The following SMG6 variants were observed in gnomAD, a reference collection of about 807,000 sequenced individuals.
SMG6 encodes the protein SMG6 nonsense mediated mRNA decay factor.
A neutral mutation model predicts 142.2 loss-of-function variants in SMG6; 66 were observed. The observed-to-expected ratio is 0.46, with a 90% CI of 0.38 to 0.57. SMG6 has a LOEUF of 0.57. Ranked by LOEUF, SMG6 falls within the 20% of genes least tolerant of loss-of-function variation. The probability of loss-of-function intolerance (pLI) is 0.00; values close to 1 mark genes in which losing one functional copy is unlikely to be tolerated. For missense variants in SMG6, 1,793 were observed against 1,832.0 expected, an observed-to-expected ratio of 0.98 and a Z score of 0.39; for synonymous variants, 779 against 702.4, an observed-to-expected ratio of 1.11 and a Z score of -1.72.
chr17:2,117,315 T>C (rs2069539045), intron 13 of SMG6, among the ~76,000 whole-genome samples: 1 of 151,412 alleles, frequency 6.6e-6, no homozygotes, highest in Non-Finnish European at 1.5e-5. Flanking sequence ...GACACTGTAT[T>C]AAGGCAAGAA....
intron 13 of SMG6, among the ~76,000 whole-genome samples, chr17:2,144,049 CTTTTTTTTTTTT>C (rs57316349): frequency 3.1e-5 from 2 of 65,062 alleles, no homozygotes; most frequent in Non-Finnish European, 5.5e-5. Flanking sequence ...ACCACGGCCG[CTTTTTTTTTTTT>C]TTTTTTTTTT....
chr17:2,267,710 T>G (rs895899641), intron 8 of SMG6, among the ~76,000 whole-genome samples: 1 of 151,396 alleles, frequency 6.6e-6, no homozygotes, highest in African/African-American at 2.4e-5. Context: ...TCTTTTTTAA[T>G]GTATTTACTT....
intron 10 of SMG6, chr17:2,216,018 T>G (rs2073008547): frequency 1.3e-5 from 2 of 152,364 alleles, no homozygotes; most frequent in African/African-American, 2.4e-5. Flanking sequence ...CCAGCTGCAG[T>G]GCATCTCGCG....
intron 13 of SMG6, among the ~76,000 whole-genome samples, chr17:2,138,919 A>G (rs575495965): frequency 6.6e-6 from 1 of 152,228 alleles, no homozygotes; most frequent in Non-Finnish European, 1.5e-5. Context: ...TGGGTCATGC[A>G]TGGTTTATTT....
chr17:2,153,705 G>A (rs1022062228), intron 13 of SMG6, among the ~76,000 whole-genome samples: 2 of 148,128 alleles, frequency 1.4e-5, no homozygotes, highest in Admixed American at 6.7e-5. Context: ...GGGAACCTGG[G>A]GATGCATGTA....
At chr17:2,192,123 G>C (rs1460644832) in intron 10 of SMG6, among the ~76,000 whole-genome samples, 2 of 152,246 alleles carry the variant, frequency 1.3e-5, no homozygotes, top group Admixed American at 6.5e-5. Context: ...GCAGGAAATG[G>C]GAGTGAGGCA....
intron 15 of SMG6, among the ~76,000 whole-genome samples, chr17:2,080,507 TCAGA>T (rs765345150): frequency 1.8e-4 from 28 of 152,238 alleles, no homozygotes; most frequent in Non-Finnish European, 3.1e-4. Context: ...TAGACAAATA[TCAGA>T]CAAAGGTGGC....
At chr17:2,257,258 G>A (rs907168731) in intron 8 of SMG6, among the ~76,000 whole-genome samples, 1 of 151,930 alleles carries the variant, frequency 6.6e-6, no homozygotes, top group Admixed American at 6.6e-5. Context: ...GCTAATTTTT[G>A]TATTTTCAGC....
At chr17:2,301,047 T>C (rs1036761210) in intron 1 of SMG6, among the ~76,000 whole-genome samples, 1 of 152,208 alleles carries the variant, frequency 6.6e-6, no homozygotes, top group Admixed American at 6.5e-5. Context: ...TCTCTATCTA[T>C]AGAGCCTGTG....
At chr17:2,158,079 A>T (rs118078669) in intron 13 of SMG6, among the ~76,000 whole-genome samples, 736 of 152,332 alleles carry the variant, frequency 4.8e-3, no homozygotes, top group Non-Finnish European at 7.4e-3. Flanking sequence ...AGAAGGGAAG[A>T]AGTTAATTTT....
intron 13 of SMG6, among the ~76,000 whole-genome samples, chr17:2,167,599 T>C (rs2071381662): frequency 6.6e-6 from 1 of 152,242 alleles, no homozygotes; most frequent in African/African-American, 2.4e-5. Flanking sequence ...AATTCACTTA[T>C]GGTGCCACTC....
intron 10 of SMG6, among the ~76,000 whole-genome samples, chr17:2,198,572 G>T (rs2072407070): frequency 6.6e-6 from 1 of 152,172 alleles, no homozygotes; most frequent in African/African-American, 2.4e-5. Flanking sequence ...AGCTATGCAA[G>T]ACATGAAAAA....
At chr17:2,164,869 A>G (rs1378967573) in intron 13 of SMG6, among the ~76,000 whole-genome samples, 1 of 152,164 alleles carries the variant, frequency 6.6e-6, no homozygotes, top group Non-Finnish European at 1.5e-5. Flanking sequence ...CCTGGGAGGC[A>G]GAGGTTACAG....
rs1281197987 is a variant in SMG6 at position 2,258,056 on chromosome 17, C to CATAT, written c.2662-13338_2662-13337insATAT. On this transcript the variant is annotated intron_variant, in intron 8 of 18. Transcript: ENST00000263073. ...AAAAATATACACACACACACACACA[C>CATAT]ACACACACACATATATATACATATA... Among the ~76,000 whole-genome samples the CATAT allele has an allele frequency of 7.8e-4, 75 of 96,756 alleles. 2 individuals are homozygous for CATAT. The highest frequency in any genetic ancestry group is 2.2e-3 in the South Asian group (7 of 3,208). The allele number at this position is 96,756 out of a possible 152,430, so 63.5% of individuals were successfully genotyped here.
intron 8 of SMG6, among the ~76,000 whole-genome samples, chr17:2,253,637 C>A (rs1364486584): frequency 1.3e-5 from 2 of 152,188 alleles, no homozygotes; most frequent in Non-Finnish European, 2.9e-5. Context: ...CCAGAATATT[C>A]TGATATCCAC....
At position 2,298,038 on chromosome 17, in the gene SMG6, A is replaced by T. The variant is rs1567760319; in HGVS notation, c.1865T>A (p.Leu622Gln). Residue 622 changes from leucine (L) to glutamine (Q), a missense_variant, in exon 3 of 19, where the codon CTA becomes CAA. By Grantham distance (113) the Leu-to-Gln change is moderately radical (BLOSUM62 -2). Transcript: ENST00000263073. ...MAQLRAELLQ[L>Q]YERCILLDIE... ...ATCTAATAGAATACAGCGCTCATAT[A>T]GCTGCAGCAGTTCAGCTCTGGAATA... 3.1e-6 allele frequency: 5 copies of T among 1,607,544 alleles called. No individual in the cohort carries two copies. The South Asian group carries it at 4.5e-5, about 14-fold the overall frequency.
chr17:2,274,072 T>A (rs544006415), intron 8 of SMG6, among the ~76,000 whole-genome samples: 1 of 152,248 alleles, frequency 6.6e-6, no homozygotes, highest in Non-Finnish European at 1.5e-5. Context: ...CAATCCACCA[T>A]CTGTCTTTGT....
rs143955690 is a variant in SMG6 at position 2,299,617 on chromosome 17, T to C, written c.1136A>G (p.Asp379Gly). ...ARDDMDRGKPDKGLSSGGKGS... is the reference protein window; with the variant it reads ...ARDDMDRGKPGKGLSSGGKGS... ...TTTGCCCCCACTGCTCAAGCCTTTG[T>C]CAGGCTTTCCTCTATCCATATCATC... Residue 379 changes from aspartate (D) to glycine (G), a missense_variant, in exon 2 of 19, where the codon GAC (aspartate) becomes GGC (glycine). Coordinates refer to ENST00000263073, the MANE Select transcript of SMG6 (RefSeq NM_017575.5). The surrounding 1 kb of genome is among the most constrained non-coding windows in gnomAD (Gnocchi z 4.3). 3.7e-5 allele frequency: 59 copies of C among 1,614,216 alleles called. No homozygotes were observed. The highest frequency in any genetic ancestry group is 4.7e-5 in the Non-Finnish European group (56 of 1,180,040).
intron 10 of SMG6, among the ~76,000 whole-genome samples, chr17:2,209,642 G>A (rs1430894545): frequency 6.6e-6 from 1 of 152,094 alleles, no homozygotes; most frequent in Non-Finnish European, 1.5e-5. Flanking sequence ...AGGATTACAG[G>A]CATGAGCCAC....
Sources: allele counts gnomAD v4.1 joint callset (sites outside exome capture counted in the v4.1 genomes callset), GRCh38; gene constraint gnomAD v4.1.1; non-coding constraint Gnocchi (gnomAD v3.1); transcripts MANE v1.5; gene names NCBI Gene and HGNC (gene_info 2026-07-23, HGNC 2026-07-21).